The following CENPE variants were observed in gnomAD, a reference collection of about 807,000 sequenced individuals.
CENPE encodes the protein centromere protein E.
Under a neutral mutation model 336.1 loss-of-function variants are expected in CENPE, and 145 were observed. The observed-to-expected ratio is 0.43, with a 90% CI of 0.38 to 0.50. The LOEUF (loss-of-function observed/expected upper bound fraction) is 0.50. Among genes scored for constraint, CENPE ranks in the 20% least tolerant of loss-of-function variants. CENPE has a pLI of 0.00. For synonymous variants in CENPE, 1,013 were observed against 984.8 expected, an observed-to-expected ratio of 1.03 and a Z score of -0.54; for missense variants, 2,719 against 3,023.3, an observed-to-expected ratio of 0.90 and a Z score of 2.36.
At chr4:103,111,183 T>G (rs1242906961) in intron 46 of CENPE, among the ~76,000 whole-genome samples, 172 bp from the exon 47 acceptor site, 1 of 152,194 alleles carries the variant, frequency 6.6e-6, no homozygotes, top group Admixed American at 6.5e-5. Flanking sequence ...CTCTGCTTAT[T>G]TGACCAACCA....
rs2306106 is a variant in CENPE at position 103,140,394 on chromosome 4, T to C, written c.5775A>G (p.Glu1925=). Residue 1925 remains glutamate (E), a synonymous_variant, in exon 37 of 49, where the codon GAA becomes GAG. Coordinates refer to ENST00000265148, the MANE Select transcript of CENPE (RefSeq NM_001813.3). ...TTGATAGCATACGAGCAGTTTTTAG[T>C]TCCTGTTGTATTTCCAGATCCTTTA... The part of the protein sequence containing the change: ...TKARDLEIQQ[E]LKTARMLSKE... The C allele has an allele frequency of 2.8e-5, 45 of 1,594,854 alleles. No homozygotes were observed. In the African/African-American group the frequency reaches 5.4e-4, roughly 19 times the overall value.
intron 42 of CENPE, among the ~76,000 whole-genome samples, chr4:103,127,803 T>C (rs1467796147): frequency 1.3e-5 from 2 of 151,708 alleles, no homozygotes; most frequent in East Asian, 1.9e-4. Flanking sequence ...GCAGAGAAAA[T>C]GGAATCATAA....
chr4:103,180,594 A>G (rs1756247441), intron 12 of CENPE, 125 bp from the exon 13 acceptor site: 1 of 603,406 alleles, frequency 1.7e-6, no homozygotes, highest in Non-Finnish European at 2.7e-6. Context: ...TTTCACTGAA[A>G]TAAAATATAC....
chr4:103,160,985 T>C (rs1239981682), intron 20 of CENPE, 101 bp downstream of exon 20: 9 of 1,077,030 alleles, frequency 8.4e-6, no homozygotes, highest in Non-Finnish European at 1.0e-5. Flanking sequence ...AAAGTCAGAG[T>C]ATAATGAATT....
chr4:103,188,779 C>A (rs567063700), intron 8 of CENPE, among the ~76,000 whole-genome samples: 1 of 151,884 alleles, frequency 6.6e-6, no homozygotes, highest in Admixed American at 6.6e-5. Flanking sequence ...AGACGGCAAG[C>A]AATAACTAAG....
chr4:103,138,476 G>A, intron 38 of CENPE, 27 bp from the exon 39 acceptor site: 2 of 1,496,620 alleles, frequency 1.3e-6, no homozygotes, highest in Non-Finnish European at 1.9e-6. Flanking sequence ...AAAATAAACA[G>A]GGCTTTTGTC....
At chr4:103,108,704 A>G in intron 48 of CENPE, 99 bp downstream of exon 48, 3 of 1,146,792 alleles carry the variant, frequency 2.6e-6, no homozygotes, top group Non-Finnish European at 3.7e-6. Flanking sequence ...TTACTCAACT[A>G]AATCATCTCT....
intron 43 of CENPE, among the ~76,000 whole-genome samples, chr4:103,122,032 G>A (rs1750675309): frequency 6.6e-6 from 1 of 152,078 alleles, no homozygotes; most frequent in African/African-American, 2.4e-5. Flanking sequence ...TTATCTGCTA[G>A]ACTATTTTCT....
intron 46 of CENPE, among the ~76,000 whole-genome samples, chr4:103,113,164 T>TG (rs1749710857): frequency 3.0e-5 from 4 of 134,072 alleles, no homozygotes; most frequent in Non-Finnish European, 6.3e-5. Flanking sequence ...GTATATATAC[T>TG]TATAAGTATA....
intron 39 of CENPE, 61 bp downstream of exon 39, chr4:103,138,290 T>C: frequency 8.8e-7 from 1 of 1,138,298 alleles, no homozygotes; most frequent in South Asian, 1.2e-5. Flanking sequence ...CCACTTCAGG[T>C]TTCGGTAAGC....
intron 1 of CENPE, among the ~76,000 whole-genome samples, chr4:103,197,738 G>C (rs17033463): frequency 0.015 from 2,353 of 152,034 alleles, 57 homozygotes; most frequent in African/African-American, 0.054. Flanking sequence ...TTTCTGTCTC[G>C]TCCCATTAGA....
Position 103,196,789 on chromosome 4 carries a change from GATAA to G in CENPE, c.114_117del (p.Tyr39LysfsTer27). On this transcript the variant is annotated frameshift_variant, in exon 2 of 49. Transcript: ENST00000265148. LOFTEE classifies it high-confidence loss of function. ...TTGAAGGATTTACTTCCATCAACTT[GATAA>G]ATGACATTATTGTCAGTTTTCCAGT... is the stretch of plus-strand genomic sequence containing the variant. 1 of 1,592,056 alleles carries G rather than the reference GATAA, an allele frequency of 6.3e-7. No homozygotes were observed.
intron 42 of CENPE, among the ~76,000 whole-genome samples, chr4:103,127,197 TA>T (rs1312814395): frequency 7.7e-6 from 1 of 129,502 alleles, no homozygotes; most frequent in African/African-American, 2.9e-5. Context: ...AAATCAAAGG[TA>T]AAAAAAAATC....
Position 103,163,227 on chromosome 4 carries a change from A to T in CENPE, c.1752T>A (p.Leu584=). ...ENELSSKVEL[L]REKEDQIKKL... ...TCTTAATCTGGTCTTCCTTTTCTCT[A>T]AGCAGCTCTACTTTTGAACTGAGTT... Residue 584 remains leucine, a synonymous_variant, in exon 18 of 49, where the codon CTT becomes CTA. Transcript: ENST00000265148. 1 of 1,608,972 alleles carries T rather than the reference A, an allele frequency of 6.2e-7. No individual in the cohort carries two copies. The highest frequency in any genetic ancestry group is 2.2e-5 in the East Asian group (1 of 44,686).
At chr4:103,190,077 A>G (rs1406918065) in intron 8 of CENPE, among the ~76,000 whole-genome samples, 1 of 152,164 alleles carries the variant, frequency 6.6e-6, no homozygotes, top group East Asian at 1.9e-4. Flanking sequence ...TAGGAATCCA[A>G]CTTATAAGGG....
chr4:103,125,755 C>T (rs1751032366), intron 42 of CENPE, among the ~76,000 whole-genome samples: 1 of 151,120 alleles, frequency 6.6e-6, no homozygotes, highest in Non-Finnish European at 1.5e-5. Context: ...GTCCCAGTTA[C>T]TCGGGAGGCT....
At chr4:103,196,666 C>T in intron 2 of CENPE, 93 bp downstream of exon 2, 1 of 667,828 alleles carries the variant, frequency 1.5e-6, no homozygotes, top group Non-Finnish European at 2.6e-6. Context: ...TTAGTCTAAT[C>T]TTTAGTGACA....
intron 14 of CENPE, 103 bp from the exon 15 acceptor site, chr4:103,176,151 C>T: frequency 1.6e-6 from 1 of 622,800 alleles, no homozygotes; most frequent in Non-Finnish European, 2.8e-6. Context: ...ATACTAAGAA[C>T]TTCAAATTAA....
At chr4:103,154,816 A>G (rs1194739224) in intron 24 of CENPE, among the ~76,000 whole-genome samples, 1 of 152,246 alleles carries the variant, frequency 6.6e-6, no homozygotes, top group African/African-American at 2.4e-5. Flanking sequence ...TACTAATCAT[A>G]AAATATTTTT....
Sources: allele counts gnomAD v4.1 joint callset (sites outside exome capture counted in the v4.1 genomes callset), GRCh38; gene constraint gnomAD v4.1.1; transcripts MANE v1.5; gene names NCBI Gene and HGNC (gene_info 2026-07-23, HGNC 2026-07-21).